Variants in DENND4A observed in about 807,000 individuals in gnomAD.
The protein encoded by DENND4A is DENN domain containing 4A, also known as C-myc promoter-binding protein.
In DENND4A, 70 loss-of-function variants were observed where a neutral mutation model predicts 199.3. That is an observed-to-expected ratio of 0.35 (90% CI 0.29 to 0.43). The LOEUF (loss-of-function observed/expected upper bound fraction) is 0.43, where lower values mean the gene tolerates loss of function less well. DENND4A is among the 20% of genes least tolerant of loss of function. DENND4A has a pLI of 1.00. For missense variants in DENND4A, 1,723 were observed against 2,255.8 expected (o/e 0.76, Z 4.78); for synonymous variants, 686 against 766.9 (o/e 0.89, Z 1.74).
intron 10 of DENND4A, 91 bp from the exon 11 acceptor site, chr15:65,729,338 A>T: frequency 7.0e-7 from 1 of 1,430,702 alleles, no homozygotes; most frequent in South Asian, 1.2e-5. Flanking sequence ...TTTAAGTATT[A>T]TCTAAAGCCT....
At chr15:65,688,191 G>A (rs2076857104) in intron 23 of DENND4A, among the ~76,000 whole-genome samples, 1 of 151,774 alleles carries the variant, frequency 6.6e-6, no homozygotes, top group African/African-American at 2.4e-5. Flanking sequence ...AGTTTACATT[G>A]GATTATATTT....
At chr15:65,771,892 T>C (rs1164806711) in intron 1 of DENND4A, 4 of 1,611,800 alleles carry the variant, frequency 2.5e-6, no homozygotes, top group South Asian at 2.2e-5. Flanking sequence ...TCCAGGTGCA[T>C]GGTTTTTGTC....
intron 23 of DENND4A, among the ~76,000 whole-genome samples, chr15:65,681,822 C>G (rs1003891673): frequency 1.3e-5 from 2 of 152,176 alleles, no homozygotes; most frequent in African/African-American, 4.8e-5. Flanking sequence ...CCTGCCTCAG[C>G]CTTCCAAAGC....
At chr15:65,663,538 T>C (rs1004971565) in intron 32 of DENND4A, among the ~76,000 whole-genome samples, 6 of 152,092 alleles carry the variant, frequency 3.9e-5, no homozygotes, top group African/African-American at 7.2e-5. Context: ...TTCCCATAGA[T>C]ATTTATGTTT....
intron 7 of DENND4A, among the ~76,000 whole-genome samples, chr15:65,736,107 A>G (rs1454812577): frequency 6.6e-6 from 1 of 152,140 alleles, no homozygotes; most frequent in Non-Finnish European, 1.5e-5. Context: ...AACAAATGTG[A>G]TTTTTTAATA....
chr15:65,735,737 G>A (rs2076097233), intron 7 of DENND4A, among the ~76,000 whole-genome samples: 1 of 152,146 alleles, frequency 6.6e-6, no homozygotes, highest in Non-Finnish European at 1.5e-5. Context: ...ATACACTTGT[G>A]CAACTGAGTT....
At chr15:65,681,404 TCAC>T (rs2076568003) in intron 23 of DENND4A, 2 of 151,688 alleles carry the variant, frequency 1.3e-5, no homozygotes, top group Admixed American at 1.3e-4. Flanking sequence ...ATCACAGGAA[TCAC>T]CACCTATTAT....
chr15:65,755,915 T>A (rs2076689120), intron 3 of DENND4A, among the ~76,000 whole-genome samples: 1 of 152,212 alleles, frequency 6.6e-6, no homozygotes, highest in Non-Finnish European at 1.5e-5. Flanking sequence ...TTCTCTCCCC[T>A]GCCTCTAACT....
chr15:65,671,964 A>T, intron 24 of DENND4A, 78 bp from the exon 25 acceptor site: 1 of 868,168 alleles, frequency 1.2e-6, no homozygotes. Context: ...TACTTCCATA[A>T]GTTCTCAGAT....
chr15:65,696,780 G>T (rs532173259), intron 21 of DENND4A: 2 of 260,786 alleles, frequency 7.7e-6, no homozygotes, highest in East Asian at 8.9e-5. Context: ...AGTGGGGAAG[G>T]GGGTAAATAT....
In DENND4A at chr15:65,740,516, C is replaced by G. The variant is rs189153401; in HGVS notation, c.631+1199G>C. On this transcript the variant is annotated intron_variant, in intron 5 of 32. Coordinates refer to ENST00000443035, the MANE Select transcript of DENND4A (RefSeq NM_001320835.1). The stretch of plus-strand genomic sequence containing the variant: ...CACCATGTACTCTCGGTAGTCTCAG[C>G]TACTTGGGAGGCTGATGTGGGAGGA... Among the ~76,000 whole-genome samples the G allele has an allele frequency of 6.1e-3, 918 of 150,488 alleles. 5 individuals carry two copies. The highest frequency in any genetic ancestry group is 0.01 in the Non-Finnish European group (695 of 67,744).
At chr15:65,696,255 A>G in intron 22 of DENND4A, 111 bp downstream of exon 22, 4 of 1,369,854 alleles carry the variant, frequency 2.9e-6, no homozygotes, top group Non-Finnish European at 3.9e-6. Flanking sequence ...GCTGCACAAA[A>G]TATTTTTTAA....
intron 1 of DENND4A, among the ~76,000 whole-genome samples, chr15:65,762,261 C>T (rs888176812): frequency 6.6e-6 from 1 of 152,128 alleles, no homozygotes; most frequent in East Asian, 1.9e-4. Context: ...CCTGCCTCGG[C>T]CTCCCAAAGT....
At chr15:65,685,639 G>A (rs2076751136) in intron 23 of DENND4A, among the ~76,000 whole-genome samples, 1 of 152,116 alleles carries the variant, frequency 6.6e-6, no homozygotes. Context: ...TATGTAAATA[G>A]TTCTTATACT....
chr15:65,767,312 T>C (rs2077013341), intron 1 of DENND4A: 1 of 152,242 alleles, frequency 6.6e-6, no homozygotes, highest in South Asian at 2.1e-4. Context: ...ATATGTCTTA[T>C]TTATTCTCTC....
intron 1 of DENND4A, among the ~76,000 whole-genome samples, chr15:65,774,545 G>C (rs573107604): frequency 1.5e-4 from 23 of 151,984 alleles, no homozygotes; most frequent in African/African-American, 5.5e-4. Context: ...GTGTGCACCT[G>C]TAATCCCAGC....
intron 20 of DENND4A, 30 bp from the exon 21 acceptor site, chr15:65,697,413 A>G: frequency 7.3e-7 from 1 of 1,376,620 alleles, no homozygotes; most frequent in Non-Finnish European, 1.0e-6. Flanking sequence ...ACAAAACTCT[A>G]TTAGAAACTT....
chr15:65,703,555 A>G (rs772071208), intron 15 of DENND4A, among the ~76,000 whole-genome samples: 8 of 152,228 alleles, frequency 5.3e-5, no homozygotes, highest in Non-Finnish European at 1.2e-4. Flanking sequence ...TCAGGGCATC[A>G]TTTATGAGAA....
In DENND4A at chr15:65,668,093, G is replaced by A; in HGVS notation, c.4818C>T (p.Thr1606=). Residue 1606 remains threonine (T), a synonymous_variant, in exon 28 of 33, where the codon ACC becomes ACT. Coordinates refer to ENST00000443035, the MANE Select transcript of DENND4A (RefSeq NM_001320835.1). ...SKSKLQENFC[T]RSIQIPANRS... is the part of the protein sequence containing the mutation. The stretch of plus-strand genomic sequence containing the variant: ...TATTAGCAGGGATCTGAATACTTCG[G>A]GTGCAAAAATTTTCCTGCAGTTTAG... 6.3e-7 allele frequency: 1 copy of A among 1,578,836 alleles called. No homozygotes were observed. The highest frequency in any genetic ancestry group is 8.5e-7 in the Non-Finnish European group (1 of 1,170,654).
Sources: gnomAD v4.1 joint callset for allele counts (sites outside exome capture counted in the v4.1 genomes callset) on GRCh38, gnomAD v4.1.1 for gene constraint, MANE v1.5 for transcripts, NCBI Gene and HGNC (gene_info 2026-07-23, HGNC 2026-07-21) for gene names.